The following GUCY2C variants were observed in gnomAD, a reference collection of about 807,000 sequenced individuals.
GUCY2C encodes guanylate cyclase 2C.
In GUCY2C, 118 loss-of-function variants were observed where a neutral mutation model predicts 131.1. The observed-to-expected ratio is 0.90, with a 90% confidence interval of 0.78 to 1.05. The LOEUF (loss-of-function observed/expected upper bound fraction) is 1.05. GUCY2C is among the 50% of genes least tolerant of loss of function. GUCY2C has a pLI of 0.00. For missense variants in GUCY2C, 1,161 were observed against 1,304.4 expected, an observed-to-expected ratio of 0.89 and a Z score of 1.69; for synonymous variants, 452 against 457.8, an observed-to-expected ratio of 0.99 and a Z score of 0.16.
At chr12:14,647,583 T>C (rs1045327652) in intron 15 of GUCY2C, among the ~76,000 whole-genome samples, 8 of 152,304 alleles carry the variant, frequency 5.3e-5, no homozygotes, top group African/African-American at 1.9e-4. Context: ...AATTCTTGAA[T>C]AACTTAACAA....
chr12:14,669,730 G>A lies in GUCY2C; in HGVS notation c.1274C>T (p.Thr425Ile), dbSNP rs779646568. 6.5e-7 allele frequency: 1 copy of A among 1,534,498 alleles called. No homozygotes were observed. The highest frequency in any genetic ancestry group is 1.1e-5 in the South Asian group (1 of 87,618). The change falls in exon 10 of 27, where the codon ACA becomes ATA. Residue 425 changes from threonine to isoleucine, a missense_variant. Physicochemically the swap from Thr to Ile is moderately conservative, Grantham distance 89. Transcript: ENST00000261170. ...WKNSKLPNDI[T>I]GRGPQILMIA... ...CATTAGGGATATCTTACCCCGGCCT[G>A]TAATATCATTAGGAAGTTTAGAGTT...
intron 3 of GUCY2C, among the ~76,000 whole-genome samples, chr12:14,684,526 C>T (rs1271823192): frequency 2.4e-4 from 1 of 4,208 alleles, no homozygotes; most frequent in Non-Finnish European, 1.6e-3. Flanking sequence ...TCTTCTCTCT[C>T]CCTTCCTCTT....
chr12:14,660,426 T>C (rs1947845265), intron 11 of GUCY2C, among the ~76,000 whole-genome samples: 1 of 152,226 alleles, frequency 6.6e-6, no homozygotes, highest in Non-Finnish European at 1.5e-5. Context: ...GTTCTAGTTC[T>C]GGCCCCACCC....
intron 13 of GUCY2C, among the ~76,000 whole-genome samples, chr12:14,652,658 A>C (rs1224656719): frequency 6.6e-6 from 1 of 152,190 alleles, no homozygotes; most frequent in East Asian, 1.9e-4. Flanking sequence ...AATGAGCCAA[A>C]ATATAATACT....
chr12:14,647,324 A>G (rs1366713512), intron 15 of GUCY2C, among the ~76,000 whole-genome samples: 1 of 152,068 alleles, frequency 6.6e-6, no homozygotes, highest in Non-Finnish European at 1.5e-5. Context: ...TCATATATAT[A>G]TGTGTGTATG....
intron 7 of GUCY2C, among the ~76,000 whole-genome samples, chr12:14,675,972 C>T (rs553735379): frequency 1.1e-4 from 16 of 152,268 alleles, no homozygotes; most frequent in South Asian, 4.1e-4. Context: ...AATTTTGGCA[C>T]GGTCGTAAAT....
chr12:14,692,500 T>C (rs1194289411), intron 1 of GUCY2C, among the ~76,000 whole-genome samples: 1 of 152,224 alleles, frequency 6.6e-6, no homozygotes, highest in Non-Finnish European at 1.5e-5. Flanking sequence ...AATACTGATA[T>C]ATGTAGCCAC....
rs78132598 is a variant in GUCY2C, at chr12:14,615,009, T to C, written c.2971-66A>G. The C allele has an allele frequency of 3.9e-3, 2,893 of 737,466 alleles. 77 individuals carry two copies. The African/African-American group carries it at 0.048, about 12-fold the overall frequency. 45.7% of individuals were successfully genotyped at this position (737,466 alleles called of 1,614,324 possible). On this transcript the variant is annotated intron_variant, in intron 25 of 26. Coordinates refer to ENST00000261170, the MANE Select transcript of GUCY2C (RefSeq NM_004963.4). ...GTCAGTTCAGTTGTAGACCACTGTTTCCATAATGATCTGTTTCTGTGACAT... is the reference window on the plus strand; with the variant it reads ...GTCAGTTCAGTTGTAGACCACTGTTCCCATAATGATCTGTTTCTGTGACAT...
chr12:14,638,536 T>C (rs1947325750), intron 19 of GUCY2C, among the ~76,000 whole-genome samples: 1 of 152,140 alleles, frequency 6.6e-6, no homozygotes, highest in South Asian at 2.1e-4. Flanking sequence ...CATTTAGCCA[T>C]AAAAATAATG....
chr12:14,671,057 CTCCCCTGG>C (rs1330968839), intron 9 of GUCY2C, among the ~76,000 whole-genome samples: 1 of 151,818 alleles, frequency 6.6e-6, no homozygotes, highest in African/African-American at 2.4e-5. Context: ...ATTCAATTAC[CTCCCCTGG>C]TCCCTCCCAC....
At chr12:14,618,197 A>AT (rs1406025714) in intron 24 of GUCY2C, among the ~76,000 whole-genome samples, 1 of 152,174 alleles carries the variant, frequency 6.6e-6, no homozygotes, top group East Asian at 1.9e-4. Context: ...AAATGCTTAG[A>AT]TTTTTCTTTA....
intron 10 of GUCY2C, among the ~76,000 whole-genome samples, chr12:14,669,368 G>C (rs1315045171): frequency 6.6e-6 from 1 of 150,974 alleles, no homozygotes; most frequent in Non-Finnish European, 1.5e-5. Flanking sequence ...CTATGCCTGG[G>C]TAATTTTTTT....
chr12:14,676,953 G>T lies in GUCY2C; in HGVS notation c.849C>A (p.Asp283Glu), dbSNP rs768945493. 2.1e-6 allele frequency: 3 copies of T among 1,461,462 alleles called. No individual in the cohort carries two copies. The highest frequency in any genetic ancestry group is 1.3e-5 in the South Asian group (1 of 79,744). The allele number at this position is 1,461,462 out of a possible 1,614,324, so 90.5% of individuals were successfully genotyped here. The change falls in exon 7 of 27, where the codon GAC becomes GAA. Residue 283 changes from aspartate to glutamate, a missense_variant. Coordinates refer to ENST00000261170, the MANE Select transcript of GUCY2C (RefSeq NM_004963.4). ...TCATATAGTCAGGGGCTGTGACATT[G>T]TCCTCAAAGTACTGGTCACTGTAAT... The part of the protein sequence containing the change: ...VDLFNDQYFE[D>E]NVTAPDYMKN...
chr12:14,621,771 C>T (rs1258844777), intron 22 of GUCY2C, among the ~76,000 whole-genome samples: 1 of 152,138 alleles, frequency 6.6e-6, no homozygotes, highest in African/African-American at 2.4e-5. Context: ...CAAATTAATT[C>T]CTGCTGAACT....
intron 11 of GUCY2C, among the ~76,000 whole-genome samples, chr12:14,658,172 T>A (rs1167168264): frequency 6.6e-6 from 1 of 152,190 alleles, no homozygotes; most frequent in East Asian, 1.9e-4. Context: ...ATTTTTCTTA[T>A]CCTTGTTAAC....
At chr12:14,663,233 T>C (rs1331786356) in intron 10 of GUCY2C, among the ~76,000 whole-genome samples, 2 of 152,212 alleles carry the variant, frequency 1.3e-5, no homozygotes, top group Non-Finnish European at 2.9e-5. Flanking sequence ...GCATTCACTT[T>C]CCATTATGAA....
At chr12:14,628,333 C>T (rs146489487) in intron 20 of GUCY2C, among the ~76,000 whole-genome samples, 17 of 152,276 alleles carry the variant, frequency 1.1e-4, no homozygotes, top group African/African-American at 3.4e-4. Context: ...ACTCACGCTA[C>T]ACTTCTAAAT....
chr12:14,619,655 C>T (rs554138730), intron 23 of GUCY2C: 1 of 219,298 alleles, frequency 4.6e-6, no homozygotes, highest in East Asian at 1.1e-4. Flanking sequence ...TGCCAAACCA[C>T]ACAACCCTGA....
intron 1 of GUCY2C, among the ~76,000 whole-genome samples, chr12:14,688,581 A>T (rs971920543): frequency 6.6e-6 from 1 of 152,146 alleles, no homozygotes; most frequent in African/African-American, 2.4e-5. Flanking sequence ...TTGGTCTCTG[A>T]TCTTTATCTA....
Sources: allele counts gnomAD v4.1 joint callset (sites outside exome capture counted in the v4.1 genomes callset), GRCh38; gene constraint gnomAD v4.1.1; transcripts MANE v1.5; gene names NCBI Gene and HGNC (gene_info 2026-07-23, HGNC 2026-07-21).